Variants in LSG1 observed in about 807,000 individuals in gnomAD.
LSG1 encodes large 60S subunit nuclear export GTPase 1.
Under a neutral mutation model 82.6 loss-of-function variants are expected in LSG1, and 55 were observed. The observed-to-expected ratio is 0.67, with a 90% CI of 0.54 to 0.83. The LOEUF (loss-of-function observed/expected upper bound fraction) is 0.83, where lower values mean the gene tolerates loss of function less well. Among genes scored for constraint, LSG1 ranks in the 40% least tolerant of loss-of-function variants. LSG1 has a pLI of 0.00. For synonymous variants in LSG1, 272 were observed against 282.5 expected, an observed-to-expected ratio of 0.96 and a Z score of 0.37; for missense variants, 809 against 807.9, an observed-to-expected ratio of 1.00 and a Z score of -0.02.
At chr3:194,653,167 G>A in intron 7 of LSG1, 25 bp from the exon 8 acceptor site, 1 of 1,600,012 alleles carries the variant, frequency 6.2e-7, no homozygotes, top group Non-Finnish European at 8.5e-7. Flanking sequence ...GAAACGCTCA[G>A]AAGTATATAA....
At position 194,642,061 on chromosome 3, in the gene LSG1, C is replaced by G. The variant is rs1325141828; in HGVS notation, c.*7G>C. The stretch of plus-strand genomic sequence containing the variant: ...AATGCAGATGACATTTCTGTTGCAG[C>G]CCAACCTCACATATCCAGGTGCTTG... On this transcript the variant is annotated 3_prime_UTR_variant, in exon 14 of 14. Coordinates refer to ENST00000265245, the MANE Select transcript of LSG1 (RefSeq NM_018385.3). 4.3e-6 allele frequency: 7 copies of G among 1,611,194 alleles called. No individual in the cohort carries two copies. The highest frequency in any genetic ancestry group is 3.4e-6 in the Non-Finnish European group (4 of 1,179,592).
At chr3:194,662,678 C>T (rs1718957767) in intron 5 of LSG1, among the ~76,000 whole-genome samples, 1 of 152,202 alleles carries the variant, frequency 6.6e-6, no homozygotes, top group Non-Finnish European at 1.5e-5. Context: ...AGGAAAATCG[C>T]TTGAACCCAG....
intron 11 of LSG1, among the ~76,000 whole-genome samples, chr3:194,648,005 C>T (rs572321047): frequency 1.3e-5 from 2 of 152,040 alleles, no homozygotes; most frequent in South Asian, 4.2e-4. Flanking sequence ...ATAAGCTGAA[C>T]TCCTTCCCAA....
intron 11 of LSG1, among the ~76,000 whole-genome samples, chr3:194,648,297 C>T (rs1292158234): frequency 6.6e-6 from 1 of 152,068 alleles, no homozygotes; most frequent in East Asian, 1.9e-4. Context: ...TCCACTCTGT[C>T]CCCGTCTCTG....
At chr3:194,650,716 T>A (rs1261767776) in intron 10 of LSG1, 165 bp downstream of exon 10, 2 of 640,716 alleles carry the variant, frequency 3.1e-6, no homozygotes, top group Non-Finnish European at 5.0e-6. Flanking sequence ...AATCAGGAAA[T>A]GAGGTTCTAT....
At position 194,644,379 on chromosome 3, in the gene LSG1, AATAAAAAT is replaced by A. The variant is rs1340415422; in HGVS notation, c.1797+186_1797+193del. On this transcript the variant is annotated intron_variant, in intron 13 of 13. Coordinates refer to ENST00000265245, the MANE Select transcript of LSG1 (RefSeq NM_018385.3). ...GCGAGACTCCGTCTCAAAAAAAAAA[AATAAAAAT>A]AAATAAATAAATAAATAAATAAATA... Among the ~76,000 whole-genome samples the A allele has an allele frequency of 2.0e-3, 157 of 79,132 alleles. 4 individuals carry two copies. Among genetic ancestry groups the A allele is most frequent in the Admixed American group, 3.9e-3 (33 of 8,558 alleles). The allele number at this position is 79,132 out of a possible 152,430, so 51.9% of individuals were successfully genotyped here.
intron 2 of LSG1, among the ~76,000 whole-genome samples, chr3:194,667,967 A>ATATATATG (rs1416812286): frequency 3.0e-5 from 4 of 134,804 alleles, no homozygotes; most frequent in African/African-American, 1.1e-4. Context: ...ATATATATAT[A>ATATATATG]TAGCTTTACT....
chr3:194,664,290 C>A (rs1315103064), intron 5 of LSG1, among the ~76,000 whole-genome samples: 1 of 152,088 alleles, frequency 6.6e-6, no homozygotes, highest in East Asian at 1.9e-4. Context: ...TGATAAGATT[C>A]TTTTCTGAGA....
intron 13 of LSG1, among the ~76,000 whole-genome samples, chr3:194,644,102 C>T (rs920231687): frequency 7.9e-5 from 12 of 152,024 alleles, no homozygotes; most frequent in African/African-American, 2.7e-4. Context: ...GTGGCTCACG[C>T]CTGTAATCCC....
At chr3:194,644,204 T>A (rs1008821003) in intron 13 of LSG1, among the ~76,000 whole-genome samples, 4 of 151,464 alleles carry the variant, frequency 2.6e-5, no homozygotes, top group Non-Finnish European at 5.9e-5. Flanking sequence ...CTACTAAAAA[T>A]ACAGAAAATT....
chr3:194,642,446 C>T (rs13090198), intron 13 of LSG1, among the ~76,000 whole-genome samples, 199 bp from the exon 14 acceptor site: 6 of 150,948 alleles, frequency 4.0e-5, no homozygotes, highest in Middle Eastern at 3.5e-3. Flanking sequence ...CTCATTCCCT[C>T]GTCAACTTTG....
chr3:194,666,226 T>C lies in LSG1; in HGVS notation c.411A>G (p.Leu137=), dbSNP rs1393938892. The C allele has an allele frequency of 1.9e-6, 3 of 1,614,010 alleles. No individual in the cohort carries two copies. Among genetic ancestry groups the C allele is most frequent in the African/African-American group, 2.7e-5 (2 of 74,956 alleles). Reference sequence around the variant, plus strand: ...ACCGGACAAGCTGACGTCTCCATTCTAGAAAGTTATCTTTCTCTGCTTGTT... The same window carrying C: ...ACCGGACAAGCTGACGTCTCCATTCCAGAAAGTTATCTTTCTCTGCTTGTT... ...ELKQAEKDNF[L]EWRRQLVRLE... is the part of the protein sequence containing the mutation. The change falls in exon 4 of 14, where the codon CTA becomes CTG. Residue 137 remains leucine, a synonymous_variant. Transcript: ENST00000265245.
chr3:194,648,385 C>A (rs1211365813), intron 11 of LSG1, among the ~76,000 whole-genome samples: 1 of 152,074 alleles, frequency 6.6e-6, no homozygotes, highest in East Asian at 1.9e-4. Context: ...TTCCACACAT[C>A]CGCTTTCTTC....
intron 11 of LSG1, 81 bp downstream of exon 11, chr3:194,648,600 C>A (rs956333960): frequency 2.2e-6 from 3 of 1,393,906 alleles, no homozygotes; most frequent in Non-Finnish European, 2.0e-6. Context: ...AACAGCAATT[C>A]TAGTACTATT....
At chr3:194,652,174 C>T (rs920057389) in intron 8 of LSG1, among the ~76,000 whole-genome samples, 2 of 152,206 alleles carry the variant, frequency 1.3e-5, no homozygotes, top group African/African-American at 4.8e-5. Flanking sequence ...CCATCTAGAG[C>T]CATGTCGTAG....
At chr3:194,648,613 T>C (rs988035933) in intron 11 of LSG1, 68 bp downstream of exon 11, 5 of 1,482,202 alleles carry the variant, frequency 3.4e-6, no homozygotes, top group Admixed American at 1.8e-5. Context: ...GTACTATTAC[T>C]ATTCTTATTT....
intron 8 of LSG1, chr3:194,651,537 C>A: frequency 3.2e-6 from 1 of 312,964 alleles, no homozygotes; most frequent in Non-Finnish European, 6.0e-6. Context: ...CAGTGGTTTC[C>A]ATCGCATCTT....
intron 8 of LSG1, 97 bp from the exon 9 acceptor site, chr3:194,651,313 C>G: frequency 1.2e-6 from 1 of 801,812 alleles, no homozygotes; most frequent in Non-Finnish European, 2.1e-6. Context: ...GCATAAGCAT[C>G]TGGTTACTTT....
intron 5 of LSG1, chr3:194,660,604 A>G (rs1718906214): frequency 3.3e-6 from 1 of 300,428 alleles, no homozygotes; most frequent in African/African-American, 2.2e-5. Context: ...TCACTTGCTG[A>G]CAGCTGCCAC....
Sources: allele counts gnomAD v4.1 joint callset (sites outside exome capture counted in the v4.1 genomes callset), GRCh38; gene constraint gnomAD v4.1.1; transcripts MANE v1.5; gene names NCBI Gene and HGNC (gene_info 2026-07-23, HGNC 2026-07-21).